Variants in ZNF470 observed in about 807,000 individuals in gnomAD.
ZNF470 encodes chondrogenesis zinc finger protein 1.
ZNF470 carries 13 observed loss-of-function variants against 13.9 expected under a neutral mutation model. That is an observed-to-expected ratio of 0.94 (90% CI 0.61 to 1.49). ZNF470 has a LOEUF of 1.49. Ranked by LOEUF, ZNF470 falls within the 40% of genes most tolerant of loss-of-function variation. The pLI, the probability that ZNF470 is intolerant of heterozygous loss-of-function variation, is 0.00. For missense variants in ZNF470, 929 were observed against 857.3 expected (o/e 1.08, Z -1.04); for synonymous variants, 293 against 282.9 (o/e 1.04, Z -0.36).
rs989216170 is a variant in ZNF470 at position 56,578,935 on chromosome 19, A to G, written c.*352A>G. The G allele has an allele frequency of 9.9e-7, 1 of 1,011,852 alleles. No individual in the cohort carries two copies. The highest frequency in any genetic ancestry group is 1.7e-5 in the African/African-American group (1 of 58,254). The allele number at this position is 1,011,852 out of a possible 1,614,324, so 62.7% of individuals were successfully genotyped here. On this transcript the variant is annotated 3_prime_UTR_variant, in exon 6 of 6. Transcript: ENST00000330619. ...ATATTAAGCAGCAAGTAAACCAAACAGTAAGTCTAAGACTAAGATTTTAGA... is the reference window on the plus strand; with the variant it reads ...ATATTAAGCAGCAAGTAAACCAAACGGTAAGTCTAAGACTAAGATTTTAGA...
chr19:56,571,046 C>G (rs888142521), intron 3 of ZNF470, among the ~76,000 whole-genome samples: 5 of 152,154 alleles, frequency 3.3e-5, no homozygotes, highest in Admixed American at 3.3e-4. Context: ...GGGGGGACTT[C>G]ACAGAGGAAG....
Position 56,577,124 on chromosome 19 carries a change from A to T in ZNF470, c.695A>T (p.Asp232Val), listed in dbSNP as rs745930085. 7.4e-6 allele frequency: 12 copies of T among 1,612,574 alleles called. No individual in the cohort carries two copies. The Admixed American group carries it at 2.0e-4, about 27-fold the overall frequency. ...RGEKKLLKCNDCEKIFSKIST... is the reference protein window; with the variant it reads ...RGEKKLLKCNVCEKIFSKIST... The stretch of plus-strand genomic sequence containing the variant: ...GAAAAGAAACTTTTAAAATGTAATG[A>T]CTGTGAGAAAATATTCAGCAAAATC... The change falls in exon 6 of 6, where the codon GAC (aspartate) becomes GTC (valine). Residue 232 changes from aspartate (D) to valine (V), a missense_variant. By Grantham distance (152) the Asp-to-Val change is radical (BLOSUM62 -3). Transcript: ENST00000330619.
rs1239640308 is a variant in ZNF470, at chr19:56,580,286, T to C, written c.*1703T>C. 1 of 429,498 alleles carries C rather than the reference T, an allele frequency of 2.3e-6. No homozygotes were observed. Among genetic ancestry groups the C allele is most frequent in the Non-Finnish European group, 3.1e-6 (1 of 323,038 alleles). The allele number at this position is 429,498 out of a possible 1,614,324, so 26.6% of individuals were successfully genotyped here. On this transcript the variant is annotated 3_prime_UTR_variant, in exon 6 of 6. Transcript: ENST00000330619. ...GAGTGTTGGAGGAAGGGAGGATTGA[T>C]GGTTTAACAGAGATCATGGCAGTTA...
rs1403776982 is a variant in ZNF470 at position 56,578,568 on chromosome 19, C to T, written c.2139C>T (p.Tyr713=). The T allele has an allele frequency of 1.1e-5, 17 of 1,539,950 alleles. No homozygotes were observed. The highest frequency in any genetic ancestry group is 1.5e-5 in the Non-Finnish European group (17 of 1,144,950). ...TTATTCTCTCCTCTGCCCTCCCATA[C>T]CACCAAGTCCTATAGATTCAATCTC... ...SSVILSSALP[Y]HQVL is the part of the protein sequence containing the mutation. Residue 713 remains tyrosine (Y), a synonymous_variant, in exon 6 of 6, where the codon TAC becomes TAT. Coordinates refer to ENST00000330619, the MANE Select transcript of ZNF470 (RefSeq NM_001001668.4).
In ZNF470 at chr19:56,578,427, A is replaced by G; in HGVS notation, c.1998A>G (p.Leu666=). 1 of 1,611,938 alleles carries G rather than the reference A, an allele frequency of 6.2e-7. No homozygotes were observed. The highest frequency in any genetic ancestry group is 8.5e-7 in the Non-Finnish European group (1 of 1,178,918). The change falls in exon 6 of 6, where the codon CTA becomes CTG. Residue 666 remains leucine, a synonymous_variant. Transcript: ENST00000330619. The part of the protein sequence containing the change: ...KAFSQVAHLT[L]HKRIHTGERP... ...TCAGCCAGGTTGCCCATCTTACTCT[A>G]CATAAGAGAATTCATACTGGAGAAA...
At chr19:56,575,861 G>C (rs781432666) in intron 5 of ZNF470, among the ~76,000 whole-genome samples, 9 of 152,000 alleles carry the variant, frequency 5.9e-5, no homozygotes, top group Non-Finnish European at 1.3e-4. Flanking sequence ...ATGAAAATCA[G>C]TAAGCATCTG....
rs1383636286 is a variant in ZNF470 at position 56,577,369 on chromosome 19, T to A, written c.940T>A (p.Cys314Ser). 2 of 1,613,752 alleles carry A rather than the reference T, an allele frequency of 1.2e-6. No homozygotes were observed. Among genetic ancestry groups the A allele is most frequent in the Non-Finnish European group, 1.7e-6 (2 of 1,179,836 alleles). Residue 314 changes from cysteine to serine, a missense_variant, in exon 6 of 6, where the codon TGT becomes AGT. By Grantham distance (112) the Cys-to-Ser change is moderately radical. Transcript: ENST00000330619. ...TCATACTGGAGAGAAACCTTATCAG[T>A]GTAAGCAGTGTAATAAAGCATTCAG... ...RVHTGEKPYQ[C>S]KQCNKAFSQL...
Position 56,580,748 on chromosome 19 carries a change from G to T in ZNF470, c.*2165G>T, listed in dbSNP as rs897416620. The T allele has an allele frequency of 4.3e-6, 3 of 695,126 alleles. No individual in the cohort carries two copies. The highest frequency in any genetic ancestry group is 1.3e-4 in the South Asian group (2 of 15,548). 43.1% of individuals were successfully genotyped at this position (695,126 alleles called of 1,614,324 possible). ...AGTTTGGGGCTCCCTCTTCACTTCT[G>T]CTGATAGAAGCATAATGGCTAGGGG... On this transcript the variant is annotated 3_prime_UTR_variant, in exon 6 of 6. Coordinates refer to ENST00000330619, the MANE Select transcript of ZNF470 (RefSeq NM_001001668.4).
Position 56,581,682 on chromosome 19 carries a change from A to G in ZNF470, c.*3099A>G, listed in dbSNP as rs1393474917. ...ATTGTGATATCAAAAATAAAAATCA[A>G]AATATATATTATAGTAGGCATTTGT... On this transcript the variant is annotated 3_prime_UTR_variant, in exon 6 of 6. Transcript: ENST00000330619. The G allele has an allele frequency of 1.0e-6, 1 of 981,824 alleles. No homozygotes were observed. The highest frequency in any genetic ancestry group is 1.2e-6 in the Non-Finnish European group (1 of 826,646). 60.8% of individuals were successfully genotyped at this position (981,824 alleles called of 1,614,324 possible). A position where few individuals can be genotyped will look rare whatever the true frequency, so the allele number is the denominator to read the frequency against.
chr19:56,569,190 G>A (rs2044433017), intron 2 of ZNF470, among the ~76,000 whole-genome samples: 1 of 152,176 alleles, frequency 6.6e-6, no homozygotes, highest in Non-Finnish European at 1.5e-5. Flanking sequence ...AAAGAAACTA[G>A]AATTAATTCA....
intron 3 of ZNF470, among the ~76,000 whole-genome samples, chr19:56,573,506 A>G (rs1295668507): frequency 6.6e-6 from 1 of 152,218 alleles, no homozygotes; most frequent in Admixed American, 6.5e-5. Flanking sequence ...GTGAAGTCAT[A>G]AAAAAATTGA....
At chr19:56,572,735 A>T (rs189811276) in intron 3 of ZNF470, among the ~76,000 whole-genome samples, 1 of 152,134 alleles carries the variant, frequency 6.6e-6, no homozygotes, top group African/African-American at 2.4e-5. Context: ...AAAAAATCTC[A>T]AAAACCAGCC....
intron 5 of ZNF470, among the ~76,000 whole-genome samples, chr19:56,574,969 TCTA>T (rs1305082227): frequency 2.6e-5 from 4 of 152,230 alleles, no homozygotes; most frequent in African/African-American, 9.6e-5. Flanking sequence ...TTTACCTAAT[TCTA>T]CTCAAGCACC....
Position 56,567,717 on chromosome 19 carries a change from C to T in ZNF470, c.-480C>T. The T allele has an allele frequency of 1.0e-6, 1 of 988,614 alleles. No homozygotes were observed. The highest frequency in any genetic ancestry group is 1.2e-6 in the Non-Finnish European group (1 of 832,498). 61.2% of individuals were successfully genotyped at this position (988,614 alleles called of 1,614,324 possible). ...GCGGGGATGGCGGCCCGGTGTGTGA[C>T]TGTCCGGTGCGTGGCCGCGAATCTG... On this transcript the variant is annotated 5_prime_UTR_variant, in exon 1 of 6. Transcript: ENST00000330619.
Position 56,567,505 on chromosome 19 carries a change from C to T in ZNF470, c.-692C>T. On this transcript the variant is annotated 5_prime_UTR_variant, in exon 1 of 6. Transcript: ENST00000330619. ...GACCCAAAGCCGGGCGAGTGCACGT[C>T]CCGCCGGTTGCTGAGGAGAAGGGAG... 1.4e-5 allele frequency: 14 copies of T among 986,018 alleles called. No individual in the cohort carries two copies. Among genetic ancestry groups the T allele is most frequent in the Non-Finnish European group, 1.7e-5 (14 of 830,388 alleles). The allele number at this position is 986,018 out of a possible 1,614,324, so 61.1% of individuals were successfully genotyped here. A position where few individuals can be genotyped will look rare whatever the true frequency, so the allele number is the denominator to read the frequency against.
At position 56,579,479 on chromosome 19, in the gene ZNF470, G is replaced by T; in HGVS notation, c.*896G>T. On this transcript the variant is annotated 3_prime_UTR_variant, in exon 6 of 6. Transcript: ENST00000330619. The stretch of plus-strand genomic sequence containing the variant: ...AATGTAGGACTAACCAGGGTAGGTA[G>T]TAGTAAACCAAAAGTAACAAGCCAA... 1 of 985,374 alleles carries T rather than the reference G, an allele frequency of 1.0e-6. No individual in the cohort carries two copies. The allele number at this position is 985,374 out of a possible 1,614,324, so 61.0% of individuals were successfully genotyped here.
Position 56,581,956 on chromosome 19 carries a change from A to G in ZNF470, c.*3373A>G. ...TACTTTCCAAGTCTGTGATTCCTCAAACTACCCATTGTCTTTCCGGTACTT... is the reference window on the plus strand; with the variant it reads ...TACTTTCCAAGTCTGTGATTCCTCAGACTACCCATTGTCTTTCCGGTACTT... On this transcript the variant is annotated 3_prime_UTR_variant, in exon 6 of 6. Coordinates refer to ENST00000330619, the MANE Select transcript of ZNF470 (RefSeq NM_001001668.4). The G allele has an allele frequency of 2.0e-6, 2 of 985,378 alleles. No homozygotes were observed. The highest frequency in any genetic ancestry group is 2.4e-6 in the Non-Finnish European group (2 of 829,920). The allele number at this position is 985,378 out of a possible 1,614,324, so 61.0% of individuals were successfully genotyped here.
At position 56,580,820 on chromosome 19, in the gene ZNF470, A is replaced by G. The variant is rs1353500150; in HGVS notation, c.*2237A>G. On this transcript the variant is annotated 3_prime_UTR_variant, in exon 6 of 6. Transcript: ENST00000330619. ...TGTGGAGCTTTCAGACTCTCCTTAT[A>G]TATGATAAAAAGGATTTTTCATTGT... is the stretch of plus-strand genomic sequence containing the variant. The G allele has an allele frequency of 3.0e-6, 3 of 983,866 alleles. No individual in the cohort carries two copies. Among genetic ancestry groups the G allele is most frequent in the African/African-American group, 1.7e-5 (1 of 57,152 alleles). The allele number at this position is 983,866 out of a possible 1,614,324, so 60.9% of individuals were successfully genotyped here. A position where few individuals can be genotyped will look rare whatever the true frequency, so the allele number is the denominator to read the frequency against.
Position 56,578,824 on chromosome 19 carries a change from C to A in ZNF470, c.*241C>A. ...GATTTGAAAAATATATTAACTAATC[C>A]ATTTCAAGGATTTAGCACACACTGG... On this transcript the variant is annotated 3_prime_UTR_variant, in exon 6 of 6. Transcript: ENST00000330619. 1.7e-6 allele frequency: 2 copies of A among 1,189,342 alleles called. No individual in the cohort carries two copies. Among genetic ancestry groups the A allele is most frequent in the Non-Finnish European group, 2.1e-6 (2 of 954,948 alleles). The allele number at this position is 1,189,342 out of a possible 1,614,324, so 73.7% of individuals were successfully genotyped here. A position where few individuals can be genotyped will look rare whatever the true frequency, so the allele number is the denominator to read the frequency against.
Sources: allele counts gnomAD v4.1 joint callset (sites outside exome capture counted in the v4.1 genomes callset), GRCh38; gene constraint gnomAD v4.1.1; transcripts MANE v1.5; gene names NCBI Gene and HGNC (gene_info 2026-07-23, HGNC 2026-07-21).